SLC9B1: variants seen among roughly 807,000 people sequenced by gnomAD.
SLC9B1 encodes the protein sodium/hydrogen exchanger 9B1.
In SLC9B1, 32 loss-of-function variants were observed where a neutral mutation model predicts 51.7. That is an observed-to-expected ratio of 0.62 (90% CI 0.47 to 0.83). The LOEUF (loss-of-function observed/expected upper bound fraction) is 0.83. SLC9B1 is among the 40% of genes least tolerant of loss of function. The pLI, the probability that SLC9B1 is intolerant of heterozygous loss-of-function variation, is 0.00. For missense variants in SLC9B1, 406 were observed against 613.2 expected (o/e 0.66, Z 3.57); for synonymous variants, 145 against 212.7 (o/e 0.68, Z 2.77).
chr4:103,019,148 C>T (rs1019437842), intron 1 of SLC9B1, among the ~76,000 whole-genome samples: 3 of 151,670 alleles, frequency 2.0e-5, no homozygotes, highest in East Asian at 1.9e-4. Context: ...GATTAAGGGG[C>T]GTGGATGTGG....
chr4:102,915,011 A>T (rs1475766442), intron 7 of SLC9B1, among the ~76,000 whole-genome samples: 1 of 152,218 alleles, frequency 6.6e-6, no homozygotes, highest in Non-Finnish European at 1.5e-5. Context: ...CTTTTCACAT[A>T]CAAGGGAGAT....
intron 1 of SLC9B1, 69 bp downstream of exon 1, chr4:103,019,528 AAC>A (rs1741634529): frequency 1.0e-5 from 10 of 968,150 alleles, no homozygotes; most frequent in Non-Finnish European, 1.2e-5. Context: ...ACCGCAAGGA[AAC>A]GATCGCGGCA....
chr4:103,008,803 T>TTC (rs1553912933), intron 1 of SLC9B1, among the ~76,000 whole-genome samples: 1 of 146,772 alleles, frequency 6.8e-6, no homozygotes, highest in Admixed American at 6.7e-5. Flanking sequence ...GTTTCTTTTT[T>TTC]TTTTTTTTTT....
intron 3 of SLC9B1, among the ~76,000 whole-genome samples, chr4:102,961,199 T>A (rs1738096823): frequency 6.6e-6 from 1 of 152,218 alleles, no homozygotes; most frequent in Non-Finnish European, 1.5e-5. Flanking sequence ...AATTAAGAAA[T>A]GCAATTCAAA....
intron 7 of SLC9B1, among the ~76,000 whole-genome samples, chr4:102,914,675 T>C (rs1198435466): frequency 6.6e-6 from 1 of 152,134 alleles, no homozygotes; most frequent in Non-Finnish European, 1.5e-5. Flanking sequence ...AGACTAGTCA[T>C]TTGAAATTAT....
chr4:103,014,559 G>A (rs1392028533), intron 1 of SLC9B1, among the ~76,000 whole-genome samples: 1 of 152,146 alleles, frequency 6.6e-6, no homozygotes, highest in Non-Finnish European at 1.5e-5. Context: ...AGTGACTTGT[G>A]TTCCCATCTA....
chr4:103,000,049 T>C (rs1159155458), intron 1 of SLC9B1, among the ~76,000 whole-genome samples: 1 of 152,212 alleles, frequency 6.6e-6, no homozygotes, highest in East Asian at 1.9e-4. Context: ...TCAGATCTCA[T>C]GAGAACGCAT....
chr4:102,923,836 A>T (rs1478517359), intron 7 of SLC9B1, among the ~76,000 whole-genome samples: 1 of 152,226 alleles, frequency 6.6e-6, no homozygotes, highest in Non-Finnish European at 1.5e-5. Context: ...ATACCTAGGA[A>T]TCCAACTTAC....
intron 4 of SLC9B1, among the ~76,000 whole-genome samples, chr4:102,948,616 T>C (rs1329529100): frequency 5.9e-5 from 9 of 152,300 alleles, no homozygotes; most frequent in Admixed American, 2.0e-4. Context: ...ATATACACCA[T>C]GGAATGCTAT....
At chr4:102,984,114 ATTATT>A (rs1349870178) in intron 3 of SLC9B1, among the ~76,000 whole-genome samples, 1 of 151,468 alleles carries the variant, frequency 6.6e-6, no homozygotes, top group Non-Finnish European at 1.5e-5. Context: ...TGTATTTTTT[ATTATT>A]TTATTTTATT....
intron 3 of SLC9B1, among the ~76,000 whole-genome samples, chr4:102,966,703 T>A (rs1248471481): frequency 2.0e-5 from 3 of 152,188 alleles, no homozygotes; most frequent in Admixed American, 6.5e-5. Flanking sequence ...TCAGGGCCTT[T>A]AAAAAATTGT....
chr4:102,935,492 A>G (rs183716602), intron 6 of SLC9B1, among the ~76,000 whole-genome samples: 7 of 152,336 alleles, frequency 4.6e-5, no homozygotes, highest in African/African-American at 1.4e-4. Context: ...ACAAACTTAT[A>G]TTTAAGTAAA....
chr4:102,917,451 CTATAT>C (rs1735635668), intron 7 of SLC9B1, among the ~76,000 whole-genome samples: 1 of 149,434 alleles, frequency 6.7e-6, no homozygotes, highest in Non-Finnish European at 1.5e-5. Context: ...ATATCTATAT[CTATAT>C]CTATATCTAT....
chr4:102,885,572 G>A (rs996681887), intron 11 of SLC9B1: 35 of 702,520 alleles, frequency 5.0e-5, no homozygotes, highest in Non-Finnish European at 7.6e-5. Flanking sequence ...CTAAATTGAA[G>A]TTTTCATGTC....
At chr4:102,912,766 G>A (rs1183595847) in intron 7 of SLC9B1, among the ~76,000 whole-genome samples, 1 of 152,074 alleles carries the variant, frequency 6.6e-6, no homozygotes, top group Non-Finnish European at 1.5e-5. Flanking sequence ...TATAGTCCAA[G>A]TACTCAGTAG....
intron 11 of SLC9B1, chr4:102,891,073 G>A (rs1268393898): frequency 6.6e-6 from 1 of 151,138 alleles, no homozygotes; most frequent in Non-Finnish European, 1.5e-5. Flanking sequence ...AGGAAATGAT[G>A]TATGTGTTTA....
chr4:102,947,160 A>C (rs1013310454), intron 4 of SLC9B1, among the ~76,000 whole-genome samples: 8 of 152,202 alleles, frequency 5.3e-5, no homozygotes, highest in Non-Finnish European at 1.0e-4. Context: ...TTGGTGAATT[A>C]GTTTGGGATA....
At chr4:102,998,409 T>C (rs1740339059) in intron 1 of SLC9B1, among the ~76,000 whole-genome samples, 1 of 152,190 alleles carries the variant, frequency 6.6e-6, no homozygotes, top group Non-Finnish European at 1.5e-5. Context: ...TTTATATGTA[T>C]ATATCACATT....
chr4:102,976,401 T>C (rs1160429684), intron 3 of SLC9B1, among the ~76,000 whole-genome samples: 2 of 152,272 alleles, frequency 1.3e-5, no homozygotes, highest in Non-Finnish European at 2.9e-5. Context: ...CAGTCATCAA[T>C]AGTTTTCATG....
Sources: allele counts gnomAD v4.1 joint callset (sites outside exome capture counted in the v4.1 genomes callset), GRCh38; gene constraint gnomAD v4.1.1; transcripts MANE v1.5; gene names NCBI Gene and HGNC (gene_info 2026-07-23, HGNC 2026-07-21).